Variants in RNF115 observed in about 807,000 individuals in gnomAD.
RNF115 encodes the protein ring finger protein 115, also known as E3 ubiquitin-protein ligase RNF115.
Under a neutral mutation model 39.2 loss-of-function variants are expected in RNF115, and 31 were observed. The observed-to-expected ratio is 0.79, with a 90% CI of 0.59 to 1.07. RNF115 has a LOEUF of 1.07. RNF115 is among the 50% of genes least tolerant of loss of function. The pLI is 0.00. For missense variants in RNF115, 384 were observed against 381.7 expected (o/e 1.01, Z -0.05); for synonymous variants, 124 against 131.0 (o/e 0.95, Z 0.37).
chr1:145,800,946 A>G (rs1185667712), intron 1 of RNF115, among the ~76,000 whole-genome samples: 1 of 152,118 alleles, frequency 6.6e-6, no homozygotes, highest in Non-Finnish European at 1.5e-5. Flanking sequence ...CAAGGCGGGC[A>G]GATCACAAAG....
intron 1 of RNF115, among the ~76,000 whole-genome samples, chr1:145,807,999 A>C (rs1251581696): frequency 1.3e-5 from 2 of 152,132 alleles, no homozygotes; most frequent in African/African-American, 4.8e-5. Flanking sequence ...AGTTCCATCC[A>C]TGTTGCTACA....
intron 1 of RNF115, among the ~76,000 whole-genome samples, chr1:145,791,350 T>A (rs1358426742): frequency 2.9e-5 from 4 of 139,678 alleles, no homozygotes; most frequent in Non-Finnish European, 4.6e-5. Context: ...CATCTCTACT[T>A]AAAAAAAAAA....
intron 2 of RNF115, among the ~76,000 whole-genome samples, chr1:145,786,824 C>T (rs1211464971): frequency 4.6e-5 from 7 of 152,172 alleles, no homozygotes; most frequent in Non-Finnish European, 1.0e-4. Context: ...GCATGCCATC[C>T]ACACAAAATT....
chr1:145,810,917 G>A (rs587687940), intron 1 of RNF115, among the ~76,000 whole-genome samples: 439 of 149,184 alleles, frequency 2.9e-3, no homozygotes, highest in African/African-American at 0.01. Flanking sequence ...CCAGGCTGGA[G>A]TGCAGCGGTG....
At chr1:145,794,427 AC>A (rs1254752340) in intron 1 of RNF115, among the ~76,000 whole-genome samples, 1 of 150,662 alleles carries the variant, frequency 6.6e-6, no homozygotes, top group Non-Finnish European at 1.5e-5. Context: ...CAAGCTCAGC[AC>A]TGCCTAAAAG....
At chr1:145,814,456 A>G (rs12118492) in intron 1 of RNF115, among the ~76,000 whole-genome samples, 128,756 of 151,604 alleles carry the variant, frequency 0.85, 55,069 homozygotes, top group African/African-American at 0.95. Context: ...GGTGGCAGGC[A>G]CCTGTAATCC....
intron 1 of RNF115, among the ~76,000 whole-genome samples, chr1:145,819,458 T>G (rs1484209138): frequency 1.2e-4 from 18 of 151,258 alleles, no homozygotes; most frequent in African/African-American, 4.1e-4. Flanking sequence ...TCTCAAAAAA[T>G]AATGAAAAAT....
chr1:145,748,717 T>A (rs1166124343), intron 7 of RNF115, among the ~76,000 whole-genome samples: 1 of 151,926 alleles, frequency 6.6e-6, no homozygotes, highest in Non-Finnish European at 1.5e-5. Context: ...AAACCCTGTC[T>A]CTACTAAAAA....
At chr1:145,771,550 G>C (rs908832166) in intron 4 of RNF115, among the ~76,000 whole-genome samples, 161 bp downstream of exon 4, 1 of 151,986 alleles carries the variant, frequency 6.6e-6, no homozygotes, top group Middle Eastern at 3.2e-3. Context: ...TTTATCATCG[G>C]GTGAGTACTA....
At chr1:145,814,519 G>C in intron 1 of RNF115, among the ~76,000 whole-genome samples, 1 of 151,904 alleles carries the variant, frequency 6.6e-6, no homozygotes, top group East Asian at 1.9e-4. Flanking sequence ...TAAGGCAGAG[G>C]ATGCAGTGAG....
At chr1:145,769,086 T>G (rs1442223471) in intron 4 of RNF115, among the ~76,000 whole-genome samples, 1 of 152,226 alleles carries the variant, frequency 6.6e-6, no homozygotes, top group Admixed American at 6.5e-5. Flanking sequence ...ATTTTAAATT[T>G]TTGACTTATA....
chr1:145,768,649 G>A (rs1647493791), intron 4 of RNF115, among the ~76,000 whole-genome samples: 2 of 152,142 alleles, frequency 1.3e-5, no homozygotes, highest in African/African-American at 2.4e-5. Context: ...AGTGAAACCC[G>A]TAGAATGAAC....
chr1:145,764,722 C>T (rs1553714467), intron 4 of RNF115, among the ~76,000 whole-genome samples: 1 of 151,530 alleles, frequency 6.6e-6, no homozygotes, highest in Non-Finnish European at 1.5e-5. Flanking sequence ...GGGTCAGCCC[C>T]CGCCCGGCCA....
chr1:145,784,722 A>G lies in RNF115; in HGVS notation c.162-126T>C, dbSNP rs1174524947. The G allele has an allele frequency of 4.3e-6, 3 of 701,172 alleles. No individual in the cohort carries two copies. The Admixed American group carries it at 7.7e-5, about 18-fold the overall frequency. 43.4% of individuals were successfully genotyped at this position (701,172 alleles called of 1,614,324 possible). A position where few individuals can be genotyped will look rare whatever the true frequency, so the allele number is the denominator to read the frequency against. ...GAAAAATAACTCATCCCAACACAAC[A>G]CCTATTAAAGGAAATTATGAATAAC... On this transcript the variant is annotated intron_variant, in intron 2 of 8. Coordinates refer to ENST00000582693, the MANE Select transcript of RNF115 (RefSeq NM_014455.4).
At position 145,772,030 on chromosome 1, in the gene RNF115, T is replaced by G. The variant is rs974181978; in HGVS notation, c.220-111A>C. 21 of 845,002 alleles carry G rather than the reference T, an allele frequency of 2.5e-5. No individual in the cohort carries two copies. The African/African-American group carries it at 2.7e-4, about 11-fold the overall frequency. The allele number at this position is 845,002 out of a possible 1,614,324, so 52.3% of individuals were successfully genotyped here. A position where few individuals can be genotyped will look rare whatever the true frequency, so the allele number is the denominator to read the frequency against. ...GCCACTGTGAATATTACTGTATGTCTTCTTCTGCAGAGGTACCAGAGTTTC... is the reference window on the plus strand; with the variant it reads ...GCCACTGTGAATATTACTGTATGTCGTCTTCTGCAGAGGTACCAGAGTTTC... On this transcript the variant is annotated intron_variant, in intron 3 of 8. Transcript: ENST00000582693.
chr1:145,789,137 C>CT (rs1168446321), intron 1 of RNF115, among the ~76,000 whole-genome samples, 171 bp from the exon 2 acceptor site: 2 of 151,820 alleles, frequency 1.3e-5, no homozygotes, highest in Non-Finnish European at 2.9e-5. Context: ...GGGTCTCACT[C>CT]TGTCACCCAG....
intron 1 of RNF115, among the ~76,000 whole-genome samples, chr1:145,796,334 T>C (rs587725702): frequency 3.9e-5 from 6 of 152,288 alleles, no homozygotes; most frequent in African/African-American, 1.4e-4. Flanking sequence ...TGTTTATAAG[T>C]TGATAATTGT....
At chr1:145,752,652 G>C (rs587659958) in intron 5 of RNF115, among the ~76,000 whole-genome samples, 1 of 132,844 alleles carries the variant, frequency 7.5e-6, no homozygotes, top group African/African-American at 2.9e-5. Flanking sequence ...ACAGTGGCGC[G>C]ATCTCGGCTC....
In RNF115 at chr1:145,748,366, A is replaced by G. The variant is rs1657955348; in HGVS notation, c.668-256T>C. On this transcript the variant is annotated intron_variant, in intron 7 of 8. Coordinates refer to ENST00000582693, the MANE Select transcript of RNF115 (RefSeq NM_014455.4). ...CCAAAAAGGCCTATATAGGAACTAT[A>G]TAAGGCCTATTTTTTGATGTAAAGA... 1.3e-5 allele frequency among the ~76,000 whole-genome samples: 2 copies of G among 152,170 alleles called. 1 individual carries two copies. Among genetic ancestry groups the G allele is most frequent in the South Asian group, 4.1e-4 (2 of 4,830 alleles).
Sources: allele counts gnomAD v4.1 joint callset (sites outside exome capture counted in the v4.1 genomes callset), GRCh38; gene constraint gnomAD v4.1.1; transcripts MANE v1.5; gene names NCBI Gene and HGNC (gene_info 2026-07-23, HGNC 2026-07-21).